Variants in CREBBP observed in about 807,000 individuals in gnomAD.
CREBBP encodes the protein CREB-binding protein.
CREBBP carries 19 observed loss-of-function variants against 265.0 expected under a neutral mutation model. The observed-to-expected ratio is 0.07, with a 90% CI of 0.05 to 0.11. The LOEUF (loss-of-function observed/expected upper bound fraction) is 0.11. CREBBP is among the 10% of genes least tolerant of loss of function. CREBBP has a pLI of 1.00. For missense variants in CREBBP, 2,525 were observed against 3,219.0 expected (o/e 0.78, Z 5.22); for synonymous variants, 1,457 against 1,223.7 (o/e 1.19, Z -3.98).
At chr16:3,742,487 T>G (rs2052240687) in intron 23 of CREBBP, 1 of 152,222 alleles carries the variant, frequency 6.6e-6, no homozygotes, top group African/African-American at 2.4e-5. Context: ...AACTTGTATC[T>G]TCATCCATGG....
At chr16:3,768,136 GTTTTTTTTTTTT>G (rs71133655) in intron 15 of CREBBP, among the ~76,000 whole-genome samples, 33 of 51,610 alleles carry the variant, frequency 6.4e-4, no homozygotes, top group East Asian at 3.5e-3. Context: ...ATTTAAAAGT[GTTTTTTTTTTTT>G]TTTTTTTTTT....
At chr16:3,839,107 G>C (rs1268650426) in intron 2 of CREBBP, among the ~76,000 whole-genome samples, 1 of 152,156 alleles carries the variant, frequency 6.6e-6, no homozygotes, top group Non-Finnish European at 1.5e-5. Context: ...AATTCTCAAT[G>C]GCAGCTACTA....
rs367805978 is a variant in CREBBP, at chr16:3,794,994, A to AT, written c.976-1369dup. On this transcript the variant is annotated intron_variant, in intron 3 of 30. Coordinates refer to ENST00000262367, the MANE Select transcript of CREBBP (RefSeq NM_004380.3). ...AAGAGGAGAGAAAACTATACAAATA[A>AT]TTTTTAATGAATCAAAGCTCACTTT... Among the ~76,000 whole-genome samples the AT allele has an allele frequency of 2.5e-3, 388 of 152,348 alleles. 1 individual carries two copies. The highest frequency in any genetic ancestry group is 8.7e-3 in the African/African-American group (362 of 41,574).
intron 16 of CREBBP, among the ~76,000 whole-genome samples, chr16:3,762,780 T>C (rs556041890): frequency 6.6e-6 from 1 of 152,008 alleles, no homozygotes; most frequent in Admixed American, 6.6e-5. Flanking sequence ...CCTGGTCACA[T>C]TTTTATTTTT....
chr16:3,780,050 T>C (rs926325368), intron 8 of CREBBP, among the ~76,000 whole-genome samples: 1 of 152,130 alleles, frequency 6.6e-6, no homozygotes, highest in Non-Finnish European at 1.5e-5. Context: ...GAGACCAGCC[T>C]GGCCAGCGTG....
At chr16:3,810,816 G>A (rs377765851) in intron 2 of CREBBP, 37 bp from the exon 3 acceptor site, 361 of 1,603,662 alleles carry the variant, frequency 2.3e-4, no homozygotes, top group Middle Eastern at 3.7e-4. Context: ...CTGTGGTGAC[G>A]CAGTCAATAT....
At position 3,767,579 on chromosome 16, in the gene CREBBP, G is replaced by A. The variant is rs367822576; in HGVS notation, c.3250+141C>T. On this transcript the variant is annotated intron_variant, in intron 16 of 30. Coordinates refer to ENST00000262367, the MANE Select transcript of CREBBP (RefSeq NM_004380.3). ...GCTCAGCCTGAGTGTTTCTGCAGGGGAAAGTCTGGGGAATGGCAGGCAAGA... is the reference window on the plus strand; with the variant it reads ...GCTCAGCCTGAGTGTTTCTGCAGGGAAAAGTCTGGGGAATGGCAGGCAAGA... 400 of 1,140,228 alleles carry A rather than the reference G, an allele frequency of 3.5e-4. 1 individual carries two copies. In the African/African-American group the frequency reaches 5.5e-3, roughly 16 times the overall value. The allele number at this position is 1,140,228 out of a possible 1,614,324, so 70.6% of individuals were successfully genotyped here.
In CREBBP at chr16:3,778,769, G is replaced by T. The variant is rs2141237827; in HGVS notation, c.1872C>A (p.Arg624=). The T allele has an allele frequency of 6.2e-7, 1 of 1,614,096 alleles. No homozygotes were observed. The highest frequency in any genetic ancestry group is 1.3e-5 in the African/African-American group (1 of 75,038). Residue 624 remains arginine, a synonymous_variant, in exon 9 of 31, where the codon CGC becomes CGA. Coordinates refer to ENST00000262367, the MANE Select transcript of CREBBP (RefSeq NM_004380.3). ...PTPDPAALKD[R]RMENLVAYAK... ...CATAGGCTACCAGGTTTTCCATGCG[G>T]CGATCCTTTAGAGCTGCGGGATCAG... is the stretch of plus-strand genomic sequence containing the variant.
Position 3,780,842 on chromosome 16 carries a change from A to G in CREBBP, c.1713T>C (p.Ile571=), listed in dbSNP as rs368278662. The G allele has an allele frequency of 3.1e-6, 5 of 1,613,664 alleles. No homozygotes were observed. Among genetic ancestry groups the G allele is most frequent in the Non-Finnish European group, 4.2e-6 (5 of 1,180,026 alleles). The change falls in exon 8 of 31, where the codon ATT becomes ATC. Residue 571 remains isoleucine, a synonymous_variant. Coordinates refer to ENST00000262367, the MANE Select transcript of CREBBP (RefSeq NM_004380.3). ...CTGTTGGTATAGTGCTGAGGGTTCC[A>G]ATGTTACCAGAGTTGGAGCCATCGT... ...LMNDGSNSGN[I]GTLSTIPTAA...
intron 2 of CREBBP, among the ~76,000 whole-genome samples, chr16:3,835,466 C>T (rs2054426081): frequency 6.6e-6 from 1 of 151,602 alleles, no homozygotes. Flanking sequence ...AGTCCAGAAA[C>T]AGACACCTCC....
At chr16:3,767,670 C>T (rs567006814) in intron 16 of CREBBP, 50 bp downstream of exon 16, 1 of 1,612,982 alleles carries the variant, frequency 6.2e-7, no homozygotes, top group East Asian at 2.2e-5. Flanking sequence ...GGAATCCTAA[C>T]ACCGTGGAAA....
intron 13 of CREBBP, among the ~76,000 whole-genome samples, chr16:3,772,389 T>A (rs902343252): frequency 4.0e-5 from 6 of 151,648 alleles, no homozygotes; most frequent in Non-Finnish European, 8.8e-5. Context: ...AAGAGAACTG[T>A]TTCAGTGCAG....
chr16:3,727,959 G>A lies in CREBBP; in HGVS notation c.7088C>T (p.Pro2363Leu), dbSNP rs1266123570. The change falls in exon 31 of 31, where the codon CCG becomes CTG. Residue 2363 changes from proline (P) to leucine (L), a missense_variant. Pro to Leu is a moderately conservative substitution (Grantham distance 98, BLOSUM62 -3). Around this residue, in one of 19 missense-constraint regions of CREBBP, gnomAD observed 473 missense variants for 459.3 expected, o/e 1.03. Coordinates refer to ENST00000262367, the MANE Select transcript of CREBBP (RefSeq NM_004380.3). The part of the protein sequence containing the change: ...RPQSQPPHSS[P>L]SPRIQPQPSP... The stretch of plus-strand genomic sequence containing the variant: ...AGGCTGGGGCTGTATCCGTGGTGAC[G>A]GGCTGGAATGTGGAGGCTGGGACTG... 4.4e-6 allele frequency: 7 copies of A among 1,607,528 alleles called. No individual in the cohort carries two copies. The highest frequency in any genetic ancestry group is 2.2e-5 in the East Asian group (1 of 44,712).
chr16:3,848,846 A>G (rs1470811999), intron 2 of CREBBP, among the ~76,000 whole-genome samples: 3 of 152,204 alleles, frequency 2.0e-5, no homozygotes, highest in Non-Finnish European at 4.4e-5. Context: ...TGCCAGGTAC[A>G]AGTAAAACTT....
In CREBBP at chr16:3,739,971, A is replaced by G. The variant is rs115936579; in HGVS notation, c.4134-247T>C. Among the ~76,000 whole-genome samples the G allele has an allele frequency of 3.5e-3, 533 of 152,298 alleles. 6 individuals carry two copies. Among genetic ancestry groups the G allele is most frequent in the African/African-American group, 0.012 (508 of 41,556 alleles). The stretch of plus-strand genomic sequence containing the variant: ...AATGAAATACGGGATTCTGAGGAGG[A>G]CTGGCTATACAGCAGTCCCCCTTAT... On this transcript the variant is annotated intron_variant, in intron 24 of 30. Transcript: ENST00000262367.
In CREBBP at chr16:3,782,946, G is replaced by T; in HGVS notation, c.1331-20C>A. 1 of 1,614,082 alleles carries T rather than the reference G, an allele frequency of 6.2e-7. No homozygotes were observed. The highest frequency in any genetic ancestry group is 8.5e-7 in the Non-Finnish European group (1 of 1,180,020). On this transcript the variant is annotated intron_variant, in intron 5 of 30. Transcript: ENST00000262367. ...GGATGGCTATAACGACAAACAGACA[G>T]ACAGACAAAAACGAGAGGTAAGTAA...
chr16:3,871,351 C>G (rs983541734), intron 1 of CREBBP, among the ~76,000 whole-genome samples: 1 of 152,200 alleles, frequency 6.6e-6, no homozygotes, highest in Non-Finnish European at 1.5e-5. Context: ...CTCAGCACCA[C>G]ACTGACCGCC....
intron 2 of CREBBP, among the ~76,000 whole-genome samples, chr16:3,843,922 G>A (rs939606709): frequency 6.6e-6 from 1 of 151,576 alleles, no homozygotes; most frequent in Non-Finnish European, 1.5e-5. Flanking sequence ...GCCGAGGCGG[G>A]CGGATCACGA....
chr16:3,757,465 A>T lies in CREBBP; in HGVS notation c.3610-89T>A, dbSNP rs1184156711. ...TCTAGTCTACTATAGAGACTAGTAAATTATTTCTGTTAGTATATTAGACAG... is the reference window on the plus strand; with the variant it reads ...TCTAGTCTACTATAGAGACTAGTAATTTATTTCTGTTAGTATATTAGACAG... On this transcript the variant is annotated intron_variant, in intron 18 of 30. Transcript: ENST00000262367. The T allele has an allele frequency of 1.8e-5, 21 of 1,137,904 alleles. No individual in the cohort carries two copies. The East Asian group carries it at 5.1e-4, about 28-fold the overall frequency. 70.5% of individuals were successfully genotyped at this position (1,137,904 alleles called of 1,614,324 possible). A position where few individuals can be genotyped will look rare whatever the true frequency, so the allele number is the denominator to read the frequency against.
Sources: allele counts gnomAD v4.1 joint callset (sites outside exome capture counted in the v4.1 genomes callset), GRCh38; gene constraint gnomAD v4.1.1; regional missense constraint gnomAD v4.1.1; transcripts MANE v1.5; gene names NCBI Gene and HGNC (gene_info 2026-07-23, HGNC 2026-07-21).